RABEP1: variants seen among roughly 807,000 people sequenced by gnomAD.
RABEP1 encodes rab GTPase-binding effector protein 1.
A neutral mutation model predicts 123.4 loss-of-function variants in RABEP1; 51 were observed. The observed-to-expected ratio is 0.41, with a 90% confidence interval of 0.33 to 0.52. The LOEUF is 0.52. Ranked by LOEUF, RABEP1 falls within the 20% of genes least tolerant of loss-of-function variation. The pLI is 0.16. For synonymous variants in RABEP1, 347 were observed against 355.2 expected (o/e 0.98, Z 0.26); for missense variants, 888 against 996.3 (o/e 0.89, Z 1.46).
At chr17:5,368,348 C>A in intron 11 of RABEP1, 22 bp from the exon 12 acceptor site, 1 of 1,497,106 alleles carries the variant, frequency 6.7e-7, no homozygotes, top group South Asian at 1.2e-5. Context: ...AACTATGTTT[C>A]TATACATGTG....
At chr17:5,344,311 G>A (rs1041937011) in intron 5 of RABEP1, among the ~76,000 whole-genome samples, 4 of 140,070 alleles carry the variant, frequency 2.9e-5, no homozygotes, top group African/African-American at 8.2e-5. Context: ...GGTGGTGCAC[G>A]CCTATAATCC....
rs985232055 is a variant in RABEP1, at chr17:5,356,746, G to C, written c.1095+2256G>C. Among the ~76,000 whole-genome samples the C allele has an allele frequency of 4.6e-5, 7 of 151,488 alleles. No individual in the cohort carries two copies. The South Asian group carries it at 1.5e-3, about 32-fold the overall frequency. On this transcript the variant is annotated intron_variant, in intron 8 of 17. Coordinates refer to ENST00000537505, the MANE Select transcript of RABEP1 (RefSeq NM_004703.6). Reference sequence around the variant, plus strand: ...GCTCACTGCAGCCTTGACCTCCCGGGCTCAAGCGGTCCTTCTGCCTCATCC... The same window carrying C: ...GCTCACTGCAGCCTTGACCTCCCGGCCTCAAGCGGTCCTTCTGCCTCATCC...
At chr17:5,369,995 G>A (rs1051316712) in intron 12 of RABEP1, among the ~76,000 whole-genome samples, 7 of 152,132 alleles carry the variant, frequency 4.6e-5, no homozygotes, top group South Asian at 2.1e-4. Context: ...CACTGTGCCC[G>A]GCCTCCTTCT....
chr17:5,368,827 T>C (rs1910299537), intron 12 of RABEP1, among the ~76,000 whole-genome samples: 1 of 152,202 alleles, frequency 6.6e-6, no homozygotes, highest in Non-Finnish European at 1.5e-5. Context: ...ATTTTGTGAT[T>C]TTCCTGGATG....
intron 2 of RABEP1, among the ~76,000 whole-genome samples, chr17:5,324,014 C>A (rs114030718): frequency 0.038 from 5,799 of 151,574 alleles, 224 homozygotes; most frequent in East Asian, 0.13. Flanking sequence ...ACAATACTAT[C>A]CAAAGCAATT....
Position 5,304,043 on chromosome 17 carries a change from AAAAT to A in RABEP1, c.35-4643_35-4640del, listed in dbSNP as rs1567870333. On this transcript the variant is annotated intron_variant, in intron 1 of 17. Coordinates refer to ENST00000537505, the MANE Select transcript of RABEP1 (RefSeq NM_004703.6). ...GAGCGAAATTCCATCTCAAAAAAAA[AAAAT>A]AAATAAAAATTTATTATATTGTTTT... Among the ~76,000 whole-genome samples, 2 of 140,810 alleles carry A rather than the reference AAAAT, an allele frequency of 1.4e-5. 1 individual carries two copies. Among genetic ancestry groups the A allele is most frequent in the Non-Finnish European group, 3.3e-5 (2 of 61,194 alleles). 92.4% of individuals were successfully genotyped at this position (140,810 alleles called of 152,430 possible).
At chr17:5,363,608 C>T (rs529751011) in intron 10 of RABEP1, among the ~76,000 whole-genome samples, 3 of 152,048 alleles carry the variant, frequency 2.0e-5, no homozygotes, top group African/African-American at 7.2e-5. Context: ...CCGCCTAAGG[C>T]CTAAAAGTGA....
intron 7 of RABEP1, among the ~76,000 whole-genome samples, chr17:5,351,020 A>G (rs1400707196): frequency 1.3e-5 from 2 of 150,552 alleles, no homozygotes; most frequent in African/African-American, 2.5e-5. Context: ...ACATTATGAG[A>G]TTTTTTTTGC....
intron 2 of RABEP1, among the ~76,000 whole-genome samples, chr17:5,328,645 TAAAAAAAAAAAA>T (rs60062792): frequency 1.8e-5 from 1 of 54,104 alleles, no homozygotes; most frequent in Non-Finnish European, 3.2e-5. Context: ...GACGCTGTGT[TAAAAAAAAAAAA>T]AAAAAAAAAA....
In RABEP1 at chr17:5,365,220, C is replaced by T. The variant is rs753465316; in HGVS notation, c.1767C>T (p.Ser589=). ...TGGAAGACTTCATAAAGCAAAGCAG[C>T]GAAGATTCGAGTCACCAGGTAAGGG... ...QELEDFIKQS[S]EDSSHQISAL... is the part of the protein sequence containing the mutation. The change falls in exon 11 of 18, where the codon AGC becomes AGT. Residue 589 remains serine, a synonymous_variant. Coordinates refer to ENST00000537505, the MANE Select transcript of RABEP1 (RefSeq NM_004703.6). 5.7e-5 allele frequency: 92 copies of T among 1,607,264 alleles called. No individual in the cohort carries two copies. The highest frequency in any genetic ancestry group is 3.3e-4 in the Middle Eastern group (2 of 6,064).
At position 5,335,299 on chromosome 17, in the gene RABEP1, G is replaced by A; in HGVS notation, c.483G>A (p.Leu161=). 1.9e-6 allele frequency: 3 copies of A among 1,613,892 alleles called. No homozygotes were observed. The highest frequency in any genetic ancestry group is 1.1e-5 in the South Asian group (1 of 91,068). The change falls in exon 4 of 18, where the codon CTG becomes CTA. Residue 161 remains leucine, a synonymous_variant. Transcript: ENST00000537505. The part of the protein sequence containing the change: ...EREIADLRRR[L]SEGQEEENLE... ...AAATAGCTGATTTAAGAAGAAGGCT[G>A]TCTGAAGGTCAAGAGGAGGAAAATT...
intron 2 of RABEP1, among the ~76,000 whole-genome samples, chr17:5,313,489 T>C (rs998285330): frequency 6.6e-6 from 1 of 152,220 alleles, no homozygotes; most frequent in African/African-American, 2.4e-5. Flanking sequence ...GTTTTCTTAT[T>C]TTCTTTGAAA....
chr17:5,319,149 G>T (rs930776261), intron 2 of RABEP1, among the ~76,000 whole-genome samples: 2 of 151,736 alleles, frequency 1.3e-5, no homozygotes, highest in African/African-American at 4.8e-5. Flanking sequence ...GGCCAACATG[G>T]TGAAACCCCG....
At chr17:5,365,025 A>G (rs1160470651) in intron 10 of RABEP1, 97 bp from the exon 11 acceptor site, 6 of 741,894 alleles carry the variant, frequency 8.1e-6, no homozygotes, top group African/African-American at 7.4e-5. Flanking sequence ...AGAAAAAGAC[A>G]TAAGAGATTT....
rs1181452588 is a variant in RABEP1 at position 5,365,172 on chromosome 17, G to A, written c.1719G>A (p.Lys573=). Reference sequence around the variant, plus strand: ...GGCAAGCTAATGACCAGTTAGAGAAGACAATGAAAGATAAGCAGGAGCTGG... The same window carrying A: ...GGCAAGCTAATGACCAGTTAGAGAAAACAATGAAAGATAAGCAGGAGCTGG... The part of the protein sequence containing the change: ...MLRQANDQLE[K]TMKDKQELED... The change falls in exon 11 of 18, where the codon AAG becomes AAA. Residue 573 remains lysine, a synonymous_variant. Coordinates refer to ENST00000537505, the MANE Select transcript of RABEP1 (RefSeq NM_004703.6). 7 of 1,611,538 alleles carry A rather than the reference G, an allele frequency of 4.3e-6. No individual in the cohort carries two copies. In the East Asian group the frequency reaches 1.6e-4, roughly 36 times the overall value.
intron 1 of RABEP1, among the ~76,000 whole-genome samples, chr17:5,300,667 G>C (rs966094292): frequency 6.6e-6 from 1 of 152,156 alleles, no homozygotes; most frequent in Non-Finnish European, 1.5e-5. Flanking sequence ...TTAATTCCTT[G>C]TAGATGTTTG....
intron 5 of RABEP1, among the ~76,000 whole-genome samples, chr17:5,345,293 C>T (rs1567535278): frequency 7.3e-6 from 1 of 137,116 alleles, no homozygotes; most frequent in East Asian, 2.2e-4. Context: ...CCTGATACCA[C>T]GTACATTTTT....
At chr17:5,309,504 T>C (rs1409672621) in intron 2 of RABEP1, among the ~76,000 whole-genome samples, 1 of 151,866 alleles carries the variant, frequency 6.6e-6, no homozygotes, top group Non-Finnish European at 1.5e-5. Flanking sequence ...AAATACAAAA[T>C]TAGCTGGGCA....
intron 14 of RABEP1, among the ~76,000 whole-genome samples, chr17:5,377,520 A>ATT (rs960634048): frequency 0.012 from 1,205 of 99,652 alleles, 20 homozygotes; most frequent in African/African-American, 0.037. Context: ...TATTTAAAAA[A>ATT]TTTTTTTTTT....
Sources: allele counts gnomAD v4.1 joint callset (sites outside exome capture counted in the v4.1 genomes callset), GRCh38; gene constraint gnomAD v4.1.1; transcripts MANE v1.5; gene names NCBI Gene and HGNC (gene_info 2026-07-23, HGNC 2026-07-21).